VSIG2: variants seen among roughly 807,000 people sequenced by gnomAD.
VSIG2 encodes the protein V-set and immunoglobulin domain containing 2.
VSIG2 carries 30 observed loss-of-function variants against 29.4 expected under a neutral mutation model. That is an observed-to-expected ratio of 1.02 (90% CI 0.76 to 1.38). The LOEUF (loss-of-function observed/expected upper bound fraction) is 1.38, where lower values mean the gene tolerates loss of function less well. Ranked by LOEUF, VSIG2 falls within the 40% of genes most tolerant of loss-of-function variation. The pLI is 0.00. For synonymous variants in VSIG2, 178 were observed against 174.2 expected (o/e 1.02, Z -0.17); for missense variants, 421 against 400.8 (o/e 1.05, Z -0.43).
rs1944093983 is a variant in VSIG2 at position 124,752,110 on chromosome 11, A to G, written c.28T>C (p.Cys10Arg). 1.2e-6 allele frequency: 2 copies of G among 1,606,082 alleles called. No homozygotes were observed. Among genetic ancestry groups the G allele is most frequent in the East Asian group, 2.2e-5 (1 of 44,756 alleles). MAELPGPFL[C>R]GALLGFLCLS... ...CACAGGAAGCCTAGCAGGGCCCCGC[A>G]GAGAAAGGGCCCCGGGAGCTCGGCC... The change falls in exon 1 of 7, where the codon TGC (cysteine) becomes CGC (arginine). Residue 10 changes from cysteine to arginine, a missense_variant. By Grantham distance (180) the Cys-to-Arg change is radical. Transcript: ENST00000326621.
Position 124,749,885 on chromosome 11 carries a change from A to AAAAAAAAACAC in VSIG2, c.428-20_428-19insGTGTTTTTTTT, listed in dbSNP as rs1944064354. The AAAAAAAAACAC allele has an allele frequency of 7.8e-7, 1 of 1,285,120 alleles. No individual in the cohort carries two copies. The highest frequency in any genetic ancestry group is 1.0e-6 in the Non-Finnish European group (1 of 963,252). The allele number at this position is 1,285,120 out of a possible 1,614,324, so 79.6% of individuals were successfully genotyped here. ...GGGGGAACTGCAAAAAAAAAAAAAAAAAAAAAAAAACAGAAAGTTCCTCAG... is the reference window on the plus strand; with the variant it reads ...GGGGGAACTGCAAAAAAAAAAAAAAAAAAAAAAACACAAAAAAAAAACAGAAAGTTCCTCAG... On this transcript the variant is annotated intron_variant, in intron 3 of 6. Coordinates refer to ENST00000326621, the MANE Select transcript of VSIG2 (RefSeq NM_014312.5).
chr11:124,750,441 T>C (rs1443447588), intron 3 of VSIG2, among the ~76,000 whole-genome samples: 1 of 152,044 alleles, frequency 6.6e-6, no homozygotes, highest in Non-Finnish European at 1.5e-5. Flanking sequence ...ATGGAGCTGC[T>C]GGGAGCAGGC....
At chr11:124,751,765 A>G (rs1591426497) in intron 1 of VSIG2, among the ~76,000 whole-genome samples, 185 bp from the exon 2 acceptor site, 1 of 152,224 alleles carries the variant, frequency 6.6e-6, no homozygotes, top group Non-Finnish European at 1.5e-5. Flanking sequence ...CTTTGTGGGT[A>G]AAAGAGCCGG....
At chr11:124,747,773 T>C in intron 6 of VSIG2, 106 bp from the exon 7 acceptor site, 5 of 1,255,972 alleles carry the variant, frequency 4.0e-6, no homozygotes, top group Non-Finnish European at 5.5e-6. Flanking sequence ...GAGAATAATC[T>C]GCGGAACTTT....
chr11:124,747,772 C>A (rs1056819901), intron 6 of VSIG2, 105 bp from the exon 7 acceptor site: 10 of 1,276,594 alleles, frequency 7.8e-6, no homozygotes, highest in African/African-American at 6.1e-5. Flanking sequence ...TGAGAATAAT[C>A]TGCGGAACTT....
In VSIG2 at chr11:124,747,495, A is replaced by T; in HGVS notation, c.*40T>A. ...AGTATGGTACCCACAGACTTTAATT[A>T]TTGATATTCCCCCTCACCGCCCTCA... is the stretch of plus-strand genomic sequence containing the variant. On this transcript the variant is annotated 3_prime_UTR_variant, in exon 7 of 7. Coordinates refer to ENST00000326621, the MANE Select transcript of VSIG2 (RefSeq NM_014312.5). The T allele has an allele frequency of 1.9e-6, 3 of 1,582,814 alleles. No individual in the cohort carries two copies. Among genetic ancestry groups the T allele is most frequent in the Non-Finnish European group, 2.6e-6 (3 of 1,166,088 alleles).
chr11:124,748,210 G>A (rs547930426), intron 6 of VSIG2, 180 bp downstream of exon 6: 4 of 684,448 alleles, frequency 5.8e-6, no homozygotes, highest in East Asian at 5.5e-5. Flanking sequence ...ACCCTGTACC[G>A]CTTGCCTGTA....
At position 124,749,741 on chromosome 11, in the gene VSIG2, A is replaced by G; in HGVS notation, c.553T>C (p.Phe185Leu). The G allele has an allele frequency of 6.2e-7, 1 of 1,613,840 alleles. No individual in the cohort carries two copies. ...ATGCTGCCAGGAGAAGGTGTAGGAA[A>G]AGTTCCAAGACGCACCCAGTTGTAC... is the stretch of plus-strand genomic sequence containing the variant. ...PVYNWVRLGT[F>L]PTPSPGSMVQ... is the part of the protein sequence containing the mutation. The change falls in exon 4 of 7, where the codon TTT becomes CTT. Residue 185 changes from phenylalanine (F) to leucine (L), a missense_variant. Transcript: ENST00000326621.
intron 3 of VSIG2, 123 bp downstream of exon 3, chr11:124,750,590 TG>T (rs1944073295): frequency 9.6e-7 from 1 of 1,043,184 alleles, no homozygotes; most frequent in Admixed American, 2.5e-5. Context: ...TATTTTCACT[TG>T]GGGCCCCCAG....
Position 124,748,753 on chromosome 11 carries a change from A to G in VSIG2, c.597T>C (p.Ser199=), listed in dbSNP as rs1233039357. Reference sequence around the variant, plus strand: ...AGAGGTTGGTGAGAATGAGCTGGCCAGACACCTCATCTAGAGGATGAAGAG... The same window carrying G: ...AGAGGTTGGTGAGAATGAGCTGGCCGGACACCTCATCTAGAGGATGAAGAG... ...SPGSMVQDEV[S]GQLILTNLSL... is the part of the protein sequence containing the mutation. The change falls in exon 5 of 7, where the codon TCT becomes TCC. Residue 199 remains serine (S), a synonymous_variant. Coordinates refer to ENST00000326621, the MANE Select transcript of VSIG2 (RefSeq NM_014312.5). 3 of 1,614,108 alleles carry G rather than the reference A, an allele frequency of 1.9e-6. No homozygotes were observed. The African/African-American group carries it at 4.0e-5, about 22-fold the overall frequency.
rs778607446 is a variant in VSIG2, at chr11:124,749,793, G to C, written c.501C>G (p.Ser167Arg). The C allele has an allele frequency of 1.2e-6, 2 of 1,609,050 alleles. No homozygotes were observed. Among genetic ancestry groups the C allele is most frequent in the East Asian group, 2.2e-5 (1 of 44,672 alleles). Residue 167 changes from serine (S) to arginine (R), a missense_variant, in exon 4 of 7, where the codon AGC becomes AGG. Transcript: ENST00000326621. ...SVGGSTALRC[S>R]SSEGAPKPVY... is the part of the protein sequence containing the mutation. ...CTGGCTTAGGAGCCCCCTCGGAAGA[G>C]CTGCATCTCAGTGCAGTAGAGCCTC...
At chr11:124,747,703 A>T in intron 6 of VSIG2, 36 bp from the exon 7 acceptor site, 1 of 1,601,720 alleles carries the variant, frequency 6.2e-7, no homozygotes, top group South Asian at 1.1e-5. Flanking sequence ...TGAACAGTAG[A>T]AGCCTCCTGC....
At chr11:124,748,836 A>T in intron 4 of VSIG2, 73 bp from the exon 5 acceptor site, 1 of 1,609,274 alleles carries the variant, frequency 6.2e-7, no homozygotes, top group Non-Finnish European at 8.5e-7. Flanking sequence ...AGCACATTTC[A>T]TGTCATCCTT....
At chr11:124,748,307 C>A in intron 6 of VSIG2, 83 bp downstream of exon 6, 2 of 1,410,174 alleles carry the variant, frequency 1.4e-6, no homozygotes, top group South Asian at 1.3e-5. Flanking sequence ...TGAATGATGT[C>A]GGAGTTTGAG....
intron 6 of VSIG2, 171 bp downstream of exon 6, chr11:124,748,199 CACCCTGTACCGCTTGCCTGT>C: frequency 1.7e-6 from 1 of 602,820 alleles, no homozygotes; most frequent in Non-Finnish European, 2.8e-6. Flanking sequence ...CCAGCCACTC[CACCCTGTACCGCTTGCCTGT>C]ACCCTCAAAT....
Position 124,748,778 on chromosome 11 carries a change from G to C in VSIG2, c.587-15C>G, listed in dbSNP as rs1466983371. 7 of 1,614,082 alleles carry C rather than the reference G, an allele frequency of 4.3e-6. No individual in the cohort carries two copies. In the Admixed American group the frequency reaches 1.2e-4, roughly 27 times the overall value. On this transcript the variant is annotated splice_polypyrimidine_tract_variant and intron_variant, in intron 4 of 6. Transcript: ENST00000326621. ...AGACACCTCATCTAGAGGATGAAGA[G>C]GAAGTGTTCCACGACTCATTCAACT...
Position 124,751,519 on chromosome 11 carries a change from G to C in VSIG2, c.123C>G (p.Ala41=). ...ACGTGCTGTAGGTGCAGGTCAGCTC[G>C]GCTGTCTTCCCCAGGGGCGTGCTCA... is the stretch of plus-strand genomic sequence containing the variant. ...EPLSTPLGKT[A]ELTCTYSTSV... Residue 41 remains alanine, a synonymous_variant, in exon 2 of 7, where the codon GCC becomes GCG. Coordinates refer to ENST00000326621, the MANE Select transcript of VSIG2 (RefSeq NM_014312.5). 6.2e-7 allele frequency: 1 copy of C among 1,612,558 alleles called. No individual in the cohort carries two copies. The highest frequency in any genetic ancestry group is 2.2e-5 in the East Asian group (1 of 44,868).
chr11:124,749,649 T>G (rs1565439335), intron 4 of VSIG2, 59 bp downstream of exon 4: 7 of 1,579,858 alleles, frequency 4.4e-6, no homozygotes, highest in Non-Finnish European at 5.2e-6. Context: ...TGTGTGGGAT[T>G]TAGAGACCAG....
chr11:124,749,779 G>T lies in VSIG2; in HGVS notation c.515C>A (p.Ala172Asp), dbSNP rs753298373. 1 of 1,605,374 alleles carries T rather than the reference G, an allele frequency of 6.2e-7. No individual in the cohort carries two copies. Among genetic ancestry groups the T allele is most frequent in the Non-Finnish European group, 8.5e-7 (1 of 1,176,308 alleles). Residue 172 changes from alanine to aspartate, a missense_variant, in exon 4 of 7, where the codon GCT becomes GAT. Physicochemically the swap from Ala to Asp is moderately radical, Grantham distance 126. Transcript: ENST00000326621. The part of the protein sequence containing the change: ...TALRCSSSEG[A>D]PKPVYNWVRL... Reference sequence around the variant, plus strand: ...CACCCAGTTGTACACTGGCTTAGGAGCCCCCTCGGAAGAGCTGCATCTCAG... The same window carrying T: ...CACCCAGTTGTACACTGGCTTAGGATCCCCCTCGGAAGAGCTGCATCTCAG...
Sources: allele counts gnomAD v4.1 joint callset (sites outside exome capture counted in the v4.1 genomes callset), GRCh38; gene constraint gnomAD v4.1.1; transcripts MANE v1.5; gene names NCBI Gene and HGNC (gene_info 2026-07-23, HGNC 2026-07-21).